STAB2: variants seen among roughly 807,000 people sequenced by gnomAD.
STAB2 encodes stabilin-2.
Under a neutral mutation model 338.1 loss-of-function variants are expected in STAB2, and 288 were observed. The ratio of observed to expected loss-of-function variants is 0.85; its 90% CI spans 0.77 to 0.94. The LOEUF (loss-of-function observed/expected upper bound fraction) is 0.94, where lower values mean the gene tolerates loss of function less well. Ranked by LOEUF, STAB2 falls within the 40% of genes least tolerant of loss-of-function variation. The pLI is 0.00. For missense variants in STAB2, 3,141 were observed against 3,210.1 expected, an observed-to-expected ratio of 0.98 and a Z score of 0.52; for synonymous variants, 1,202 against 1,193.3, an observed-to-expected ratio of 1.01 and a Z score of -0.15.
chr12:103,666,849 G>A (rs1453806293), intron 19 of STAB2, among the ~76,000 whole-genome samples: 7 of 152,302 alleles, frequency 4.6e-5, no homozygotes, highest in Non-Finnish European at 1.0e-4. Context: ...ATTGAATTCT[G>A]TACACATTTA....
intron 59 of STAB2, among the ~76,000 whole-genome samples, chr12:103,749,842 A>C (rs1233024819): frequency 5.8e-5 from 1 of 17,184 alleles, no homozygotes; most frequent in East Asian, 2.9e-3. Context: ...TCTGTCTCAC[A>C]AAAAAAAAAA....
intron 28 of STAB2, 123 bp from the exon 29 acceptor site, chr12:103,689,723 G>A: frequency 7.9e-7 from 1 of 1,268,024 alleles, no homozygotes; most frequent in Non-Finnish European, 1.1e-6. Context: ...GTGGATTTGG[G>A]AAAGGAGACC....
intron 35 of STAB2, among the ~76,000 whole-genome samples, chr12:103,703,701 A>T (rs982107146): frequency 6.6e-6 from 1 of 152,214 alleles, no homozygotes; most frequent in African/African-American, 2.4e-5. Context: ...GAAAATAAGG[A>T]AATGAATGAT....
chr12:103,737,386 G>T (rs1680962898), intron 52 of STAB2, among the ~76,000 whole-genome samples: 1 of 152,168 alleles, frequency 6.6e-6, no homozygotes, highest in South Asian at 2.1e-4. Flanking sequence ...AGACACCTTG[G>T]ATTTTTGTAA....
chr12:103,711,043 C>T (rs954223961), intron 39 of STAB2, among the ~76,000 whole-genome samples: 1 of 152,102 alleles, frequency 6.6e-6, no homozygotes, highest in Non-Finnish European at 1.5e-5. Context: ...TGCTTGTTTA[C>T]AGCACTCCAT....
chr12:103,650,791 G>A (rs149204250), intron 11 of STAB2, among the ~76,000 whole-genome samples: 11 of 152,230 alleles, frequency 7.2e-5, no homozygotes, highest in Admixed American at 4.6e-4. Flanking sequence ...TTTTCCCAAC[G>A]TGAACCTACT....
chr12:103,719,665 G>T (rs12308764), intron 44 of STAB2, among the ~76,000 whole-genome samples: 4,771 of 152,278 alleles, frequency 0.031, 244 homozygotes, highest in African/African-American at 0.11. Context: ...GCATTAAGTG[G>T]TTAATCTAGG....
chr12:103,708,299 TG>T (rs1566034550), intron 38 of STAB2, 141 bp from the exon 39 acceptor site: 1 of 755,274 alleles, frequency 1.3e-6, no homozygotes, highest in African/African-American at 1.7e-5. Context: ...GCCCTTTTTG[TG>T]ATTCAAGACC....
chr12:103,724,934 T>C (rs776593823), intron 44 of STAB2, 41 bp from the exon 45 acceptor site: 23 of 1,590,186 alleles, frequency 1.4e-5, no homozygotes, highest in Non-Finnish European at 2.0e-5. Context: ...GCAAACTAAC[T>C]GGTCTAATCC....
chr12:103,630,826 A>G (rs703620), intron 5 of STAB2, among the ~76,000 whole-genome samples: 142,534 of 152,312 alleles, frequency 0.94, 66,823 homozygotes, highest in Non-Finnish European at 0.96. Flanking sequence ...TGAAACATCA[A>G]TTTTAGCTCA....
chr12:103,706,509 CCCT>C lies in STAB2; in HGVS notation c.3997-276_3997-274del, dbSNP rs1879359491. Among the ~76,000 whole-genome samples, 3 of 151,904 alleles carry C rather than the reference CCCT, an allele frequency of 2.0e-5. No individual in the cohort carries two copies. The South Asian group carries it at 6.3e-4, about 32-fold the overall frequency. Reference sequence around the variant, plus strand: ...ATTATTCTTTAGTTTCTTCTGCTGCCCCTCCTCCTTTCTCATTTTTCTTCATCC... The same window carrying C: ...ATTATTCTTTAGTTTCTTCTGCTGCCCCTCCTTTCTCATTTTTCTTCATCC... On this transcript the variant is annotated intron_variant, in intron 37 of 68. Transcript: ENST00000388887.
intron 35 of STAB2, 65 bp downstream of exon 35, chr12:103,703,341 T>TG: frequency 1.6e-5 from 26 of 1,576,462 alleles, no homozygotes; most frequent in Non-Finnish European, 2.2e-5. Flanking sequence ...TATATAATTT[T>TG]GGGGGCATAA....
intron 19 of STAB2, among the ~76,000 whole-genome samples, chr12:103,667,544 G>A (rs1445392635): frequency 6.6e-6 from 1 of 152,138 alleles, no homozygotes; most frequent in Non-Finnish European, 1.5e-5. Flanking sequence ...AGAGAAGGAA[G>A]AGGGAAAAGA....
chr12:103,699,905 C>T (rs773598618), intron 34 of STAB2, among the ~76,000 whole-genome samples: 2 of 152,214 alleles, frequency 1.3e-5, no homozygotes, highest in African/African-American at 4.8e-5. Context: ...GCCCCCAAGC[C>T]GTGCCTAGGA....
chr12:103,734,450 C>T (rs570084568), intron 51 of STAB2, among the ~76,000 whole-genome samples: 54 of 151,706 alleles, frequency 3.6e-4, no homozygotes, highest in South Asian at 4.2e-4. Context: ...GGAGCAAGCA[C>T]GATCATACAG....
At chr12:103,641,306 G>A (rs1347101628) in intron 9 of STAB2, among the ~76,000 whole-genome samples, 3 of 152,278 alleles carry the variant, frequency 2.0e-5, no homozygotes, top group South Asian at 4.1e-4. Context: ...AAAGAGCTGG[G>A]ATATCAGAAC....
chr12:103,690,016 T>C, intron 29 of STAB2, 34 bp downstream of exon 29: 1 of 1,603,734 alleles, frequency 6.2e-7, no homozygotes, highest in Non-Finnish European at 8.5e-7. Flanking sequence ...ACATCGTATC[T>C]GAATGGCATC....
intron 57 of STAB2, among the ~76,000 whole-genome samples, chr12:103,745,545 G>T (rs78116498): frequency 0.049 from 7,522 of 152,266 alleles, 239 homozygotes; most frequent in Non-Finnish European, 0.067. Flanking sequence ...CAGAATCCCA[G>T]GTTCAAGCAA....
intron 15 of STAB2, among the ~76,000 whole-genome samples, chr12:103,657,400 T>G (rs1166052250): frequency 6.6e-6 from 1 of 152,124 alleles, no homozygotes; most frequent in Non-Finnish European, 1.5e-5. Flanking sequence ...TTAACTAGAA[T>G]AGGAAAAAAT....
Sources: allele counts gnomAD v4.1 joint callset (sites outside exome capture counted in the v4.1 genomes callset), GRCh38; gene constraint gnomAD v4.1.1; transcripts MANE v1.5; gene names NCBI Gene and HGNC (gene_info 2026-07-23, HGNC 2026-07-21).